The following PDZD2 variants were observed in gnomAD, a reference collection of about 807,000 sequenced individuals.
PDZD2 encodes PDZ domain containing 2.
In PDZD2, 90 loss-of-function variants were observed where a neutral mutation model predicts 220.7. That is an observed-to-expected ratio of 0.41 (90% CI 0.34 to 0.49). The LOEUF is 0.49. PDZD2 is among the 20% of genes least tolerant of loss of function. The probability of loss-of-function intolerance (pLI) is 0.28; values close to 1 mark genes in which losing one functional copy is unlikely to be tolerated. For missense variants in PDZD2, 3,174 were observed against 3,608.5 expected, an observed-to-expected ratio of 0.88 and a Z score of 3.08; for synonymous variants, 1,375 against 1,450.5, an observed-to-expected ratio of 0.95 and a Z score of 1.18.
At chr5:31,898,368 C>T (rs75007332) in intron 2 of PDZD2, among the ~76,000 whole-genome samples, 4,369 of 152,332 alleles carry the variant, frequency 0.029, 95 homozygotes, top group Non-Finnish European at 0.043. Flanking sequence ...AGCCAGTTGC[C>T]AGGGACGGAC....
In PDZD2 at chr5:31,648,526, G is replaced by A. The variant is rs374695574; in HGVS notation, c.-361+9089G>A. Among the ~76,000 whole-genome samples the A allele has an allele frequency of 3.8e-4, 58 of 152,020 alleles. No individual in the cohort carries two copies. In the East Asian group the frequency reaches 9.3e-3, roughly 24 times the overall value. On this transcript the variant is annotated intron_variant, in intron 1 of 24. Coordinates refer to ENST00000438447, the MANE Select transcript of PDZD2 (RefSeq NM_178140.4). ...CCTCCAGCCTCCACCTTGTTCTCCCGCCTCCACAGCAGCCGCCCTTGTTAA... is the reference window on the plus strand; with the variant it reads ...CCTCCAGCCTCCACCTTGTTCTCCCACCTCCACAGCAGCCGCCCTTGTTAA...
At chr5:31,748,846 C>G (rs977271811) in intron 1 of PDZD2, among the ~76,000 whole-genome samples, 2 of 152,192 alleles carry the variant, frequency 1.3e-5, no homozygotes, top group African/African-American at 2.4e-5. Flanking sequence ...TTTAGGTTAC[C>G]TGGGCATTGC....
chr5:31,734,342 T>G (rs1043156952), intron 1 of PDZD2, among the ~76,000 whole-genome samples: 1 of 152,102 alleles, frequency 6.6e-6, no homozygotes, highest in African/African-American at 2.4e-5. Flanking sequence ...TTTTTTGAGA[T>G]GGAGTCTCGC....
chr5:31,694,137 T>C (rs1747263193), intron 1 of PDZD2, among the ~76,000 whole-genome samples: 1 of 152,150 alleles, frequency 6.6e-6, no homozygotes, highest in South Asian at 2.1e-4. Flanking sequence ...GCGGTGGCAA[T>C]CCCAGCACTT....
At chr5:31,822,825 A>G in intron 2 of PDZD2, 1 of 837,122 alleles carries the variant, frequency 1.2e-6, no homozygotes, top group Non-Finnish European at 2.0e-6. Flanking sequence ...TCTCCTGGAT[A>G]ATGATGTTGA....
intron 10 of PDZD2, among the ~76,000 whole-genome samples, chr5:32,054,482 C>T (rs74454316): frequency 6.6e-6 from 1 of 151,602 alleles, no homozygotes; most frequent in Non-Finnish European, 1.5e-5. Flanking sequence ...CACCGTCATG[C>T]CTGGCTAATT....
chr5:31,710,208 C>T (rs959482831), intron 1 of PDZD2, among the ~76,000 whole-genome samples: 2 of 152,126 alleles, frequency 1.3e-5, no homozygotes, highest in African/African-American at 2.4e-5. Context: ...ATGAACTACT[C>T]GAACTCCCTT....
At chr5:31,867,539 G>A (rs183325126) in intron 2 of PDZD2, among the ~76,000 whole-genome samples, 1 of 152,296 alleles carries the variant, frequency 6.6e-6, no homozygotes, top group Admixed American at 6.5e-5. Context: ...GATCGGTGCT[G>A]CTTCTGGTTT....
In PDZD2 at chr5:32,090,599, A is replaced by C; in HGVS notation, c.7151A>C (p.His2384Pro). The change falls in exon 20 of 25, where the codon CAC becomes CCC. Residue 2384 changes from histidine to proline, a missense_variant. By Grantham distance (77) the His-to-Pro change is moderately conservative (BLOSUM62 -2). Around this residue, in one of 4 missense-constraint regions of PDZD2, gnomAD observed 631 missense variants for 789.9 expected, o/e 0.80. Transcript: ENST00000438447. This position sits in a 1 kb window ranked among gnomAD's most constrained non-coding sequence, Gnocchi z 4.3. ...SGSIVSGSLGHPGDAAARLLR... is the reference protein window; with the variant it reads ...SGSIVSGSLGPPGDAAARLLR... The stretch of plus-strand genomic sequence containing the variant: ...AGCATTGTTTCCGGGAGCCTGGGCC[A>C]CCCAGGTGACGCAGCAGCAAGGTTG... 1 of 1,614,020 alleles carries C rather than the reference A, an allele frequency of 6.2e-7. No homozygotes were observed. The highest frequency in any genetic ancestry group is 8.5e-7 in the Non-Finnish European group (1 of 1,179,996).
chr5:31,887,980 T>C (rs1740672292), intron 2 of PDZD2, among the ~76,000 whole-genome samples: 1 of 152,004 alleles, frequency 6.6e-6, no homozygotes, highest in Non-Finnish European at 1.5e-5. Context: ...CAACATACGA[T>C]GGGCATTTGG....
intron 1 of PDZD2, among the ~76,000 whole-genome samples, chr5:31,764,634 G>A (rs543520736): frequency 6.6e-6 from 1 of 152,282 alleles, no homozygotes; most frequent in East Asian, 1.9e-4. Context: ...TCCCATGTCA[G>A]TATTTTCCAA....
At chr5:31,913,602 G>A (rs1743396559) in intron 2 of PDZD2, among the ~76,000 whole-genome samples, 1 of 152,164 alleles carries the variant, frequency 6.6e-6, no homozygotes, top group South Asian at 2.1e-4. Flanking sequence ...ACTGGGTGGG[G>A]CTGTTCGTCA....
chr5:31,775,066 C>A (rs1752560747), intron 1 of PDZD2, among the ~76,000 whole-genome samples: 1 of 152,214 alleles, frequency 6.6e-6, no homozygotes, highest in African/African-American at 2.4e-5. Flanking sequence ...CGAGAGCCAA[C>A]TCCAGCAGGC....
intron 2 of PDZD2, among the ~76,000 whole-genome samples, chr5:31,817,114 A>T (rs1580814397): frequency 7.1e-6 from 1 of 141,224 alleles, no homozygotes; most frequent in African/African-American, 2.7e-5. Flanking sequence ...TGAACCCAGG[A>T]GGTGGAGCTT....
At chr5:31,676,718 C>A (rs1262274034) in intron 1 of PDZD2, among the ~76,000 whole-genome samples, 1 of 151,824 alleles carries the variant, frequency 6.6e-6, no homozygotes, top group Admixed American at 6.6e-5. Flanking sequence ...CCACGCCCTG[C>A]TAATTTTTGT....
intron 14 of PDZD2, among the ~76,000 whole-genome samples, chr5:32,063,982 A>T (rs897107372): frequency 6.6e-6 from 1 of 152,214 alleles, no homozygotes; most frequent in African/African-American, 2.4e-5. Context: ...TACTTCTGTA[A>T]TTAAGGCCTA....
chr5:32,079,152 AG>A (rs1561527051), intron 19 of PDZD2, among the ~76,000 whole-genome samples: 1 of 150,558 alleles, frequency 6.6e-6, no homozygotes, highest in African/African-American at 2.4e-5. Context: ...CTAGCTTCTC[AG>A]GAGGCTGAGA....
At chr5:31,989,431 T>TTTTTTTTTTTTTTATTTATTTA (rs2111922544) in intron 3 of PDZD2, among the ~76,000 whole-genome samples, 1 of 148,256 alleles carries the variant, frequency 6.7e-6, no homozygotes, top group African/African-American at 2.5e-5. Context: ...CTTTTTTTTT[T>TTTTTTTTTTTTTTATTTATTTA]TTTTTTTTTG....
chr5:31,942,233 A>T (rs1746269292), intron 2 of PDZD2, among the ~76,000 whole-genome samples: 2 of 152,170 alleles, frequency 1.3e-5, no homozygotes, highest in Non-Finnish European at 2.9e-5. Flanking sequence ...CCCTGGAACC[A>T]AGATAGGTGG....
Sources: gnomAD v4.1 joint callset for allele counts (sites outside exome capture counted in the v4.1 genomes callset) on GRCh38, gnomAD v4.1.1 for gene constraint, gnomAD v4.1.1 regional missense constraint, Gnocchi (gnomAD v3.1) non-coding constraint, MANE v1.5 for transcripts, NCBI Gene and HGNC (gene_info 2026-07-23, HGNC 2026-07-21) for gene names.